Variants in APOBEC3D observed in about 807,000 individuals in gnomAD.
The protein encoded by APOBEC3D is DNA dC->dU-editing enzyme APOBEC-3D.
APOBEC3D carries 37 observed loss-of-function variants against 45.6 expected under a neutral mutation model. That is an observed-to-expected ratio of 0.81 (90% CI 0.62 to 1.07). APOBEC3D has a LOEUF of 1.07. APOBEC3D is among the 50% of genes least tolerant of loss of function. The pLI is 0.00. For synonymous variants in APOBEC3D, 175 were observed against 180.7 expected, an observed-to-expected ratio of 0.97 and a Z score of 0.25; for missense variants, 496 against 495.3, an observed-to-expected ratio of 1.00 and a Z score of -0.01.
Position 39,021,446 on chromosome 22 carries a change from C to A in APOBEC3D, c.-74C>A. 1.2e-6 allele frequency: 2 copies of A among 1,610,180 alleles called. No individual in the cohort carries two copies. Among genetic ancestry groups the A allele is most frequent in the Non-Finnish European group, 1.7e-6 (2 of 1,176,932 alleles). On this transcript the variant is annotated 5_prime_UTR_variant, in exon 1 of 7. Transcript: ENST00000216099. ...GGAGGGCTGTCCAACTGCAAGGAGC[C>A]GCAAGCAGGAAGTGAAACCACAGCA...
At chr22:39,031,141 G>A (rs1926176395) in intron 5 of APOBEC3D, among the ~76,000 whole-genome samples, 1 of 152,068 alleles carries the variant, frequency 6.6e-6, no homozygotes, top group Admixed American at 6.6e-5. Context: ...ACTCCCGCCT[G>A]TGCAACAGAG....
rs1166481792 is a variant in APOBEC3D, at chr22:39,030,650, T to C, written c.763-1044T>C. On this transcript the variant is annotated intron_variant, in intron 5 of 6. Transcript: ENST00000216099. Reference sequence around the variant, plus strand: ...TCAGAGCCCCATTTCAAGTGCTCAGTAGCCCCTTTGGCCAACCTTCAACTC... The same window carrying C: ...TCAGAGCCCCATTTCAAGTGCTCAGCAGCCCCTTTGGCCAACCTTCAACTC... 4.6e-5 allele frequency among the ~76,000 whole-genome samples: 7 copies of C among 152,022 alleles called. No individual in the cohort carries two copies. The East Asian group carries it at 1.4e-3, about 29-fold the overall frequency.
chr22:39,026,756 TG>T (rs199618614), intron 4 of APOBEC3D, among the ~76,000 whole-genome samples: 1,413 of 138,888 alleles, frequency 0.01, 23 homozygotes, highest in African/African-American at 0.043. Context: ...AAGGTTTTTT[TG>T]TTTTTTTTTT....
chr22:39,032,072 C>A lies in APOBEC3D; in HGVS notation c.1042+99C>A, dbSNP rs1271902044. On this transcript the variant is annotated intron_variant, in intron 6 of 6. Coordinates refer to ENST00000216099, the MANE Select transcript of APOBEC3D (RefSeq NM_152426.4). ...GGGGCGGGGCAGTGTCCCCGGGAAG[C>A]CTGCAGGGATGGGGCCGGCGCCAGC... 34 of 1,586,998 alleles carry A rather than the reference C, an allele frequency of 2.1e-5. No individual in the cohort carries two copies. In the Middle Eastern group the frequency reaches 5.1e-4, roughly 24 times the overall value.
chr22:39,031,125 C>T (rs1926174326), intron 5 of APOBEC3D, among the ~76,000 whole-genome samples: 3 of 151,872 alleles, frequency 2.0e-5, no homozygotes, highest in African/African-American at 4.8e-5. Flanking sequence ...GAGATCGTGC[C>T]GTTGCACTCC....
rs770157282 is a variant in APOBEC3D, at chr22:39,031,988, G to A, written c.1042+15G>A. On this transcript the variant is annotated intron_variant, in intron 6 of 6. Coordinates refer to ENST00000216099, the MANE Select transcript of APOBEC3D (RefSeq NM_152426.4). ...GGGCTACAAAGGTGAGACGTGGGGG[G>A]CTGAGGAGAGTGGGTGCGGGAGGGA... The A allele has an allele frequency of 1.9e-6, 3 of 1,613,864 alleles. No homozygotes were observed. The highest frequency in any genetic ancestry group is 2.5e-6 in the Non-Finnish European group (3 of 1,179,778).
At position 39,031,701 on chromosome 22, in the gene APOBEC3D, C is replaced by A; in HGVS notation, c.770C>A (p.Pro257His). 2 of 1,611,800 alleles carry A rather than the reference C, an allele frequency of 1.2e-6. No individual in the cohort carries two copies. Among genetic ancestry groups the A allele is most frequent in the Non-Finnish European group, 1.7e-6 (2 of 1,178,020 alleles). The change falls in exon 6 of 7, where the codon CCT becomes CAT. Residue 257 changes from proline to histidine, a missense_variant. By Grantham distance (77) the Pro-to-His change is moderately conservative. Coordinates refer to ENST00000216099, the MANE Select transcript of APOBEC3D (RefSeq NM_152426.4). ...KRGVFRNQVD[P>H]ETHCHAERCF... ...CTCCTCCTCCTTCCCCAGGTGGATCCTGAGACCCATTGTCATGCAGAAAGG... is the reference window on the plus strand; with the variant it reads ...CTCCTCCTCCTTCCCCAGGTGGATCATGAGACCCATTGTCATGCAGAAAGG...
At chr22:39,023,579 A>T (rs1241413605) in intron 2 of APOBEC3D, among the ~76,000 whole-genome samples, 1 of 150,880 alleles carries the variant, frequency 6.6e-6, no homozygotes, top group Non-Finnish European at 1.5e-5. Context: ...CCTGAATAGC[A>T]GGGATTACAG....
chr22:39,028,661 C>T (rs1925913108), intron 4 of APOBEC3D, among the ~76,000 whole-genome samples: 1 of 152,102 alleles, frequency 6.6e-6, no homozygotes, highest in Admixed American at 6.5e-5. Context: ...TAGGGCCAGG[C>T]GCGGTGGCTC....
In APOBEC3D at chr22:39,032,193, C is replaced by G; in HGVS notation, c.1043-5C>G. The G allele has an allele frequency of 6.2e-7, 1 of 1,612,748 alleles. No homozygotes were observed. Among genetic ancestry groups the G allele is most frequent in the Non-Finnish European group, 8.5e-7 (1 of 1,179,438 alleles). On this transcript the variant is annotated splice_region_variant and splice_polypyrimidine_tract_variant and intron_variant, in intron 6 of 6. Coordinates refer to ENST00000216099, the MANE Select transcript of APOBEC3D (RefSeq NM_152426.4). ...CTCACTGCTTTCTCCTTGTTTTTTT[C>G]TCAGATTTTGTATCTTGTTGGAAAA...
chr22:39,031,980 C>T lies in APOBEC3D; in HGVS notation c.1042+7C>T, dbSNP rs747230251. ...AAGATCATGGGCTACAAAGGTGAGA[C>T]GTGGGGGGCTGAGGAGAGTGGGTGC... On this transcript the variant is annotated splice_region_variant and intron_variant, in intron 6 of 6. Transcript: ENST00000216099. 6.4e-5 allele frequency: 104 copies of T among 1,613,826 alleles called. No homozygotes were observed. The highest frequency in any genetic ancestry group is 8.6e-5 in the Non-Finnish European group (102 of 1,179,936).
rs1356874183 is a variant in APOBEC3D at position 39,025,351 on chromosome 22, T to C, written c.490+2T>C. ...GTGTGAAGATCATGGACTATGAAGG[T>C]GAGAGGTGCAGGGGTCAGGGGAGCA... On this transcript the variant is annotated splice_donor_variant, in intron 3 of 6. Coordinates refer to ENST00000216099, the MANE Select transcript of APOBEC3D (RefSeq NM_152426.4). LOFTEE classifies it high-confidence loss of function. The C allele has an allele frequency of 1.2e-6, 2 of 1,613,532 alleles. No homozygotes were observed. Among genetic ancestry groups the C allele is most frequent in the South Asian group, 1.1e-5 (1 of 91,048 alleles).
At position 39,022,827 on chromosome 22, in the gene APOBEC3D, C is replaced by T. The variant is rs201133453; in HGVS notation, c.23C>T (p.Pro8Leu). 192 of 1,602,920 alleles carry T rather than the reference C, an allele frequency of 1.2e-4. 1 individual carries two copies. In the South Asian group the frequency reaches 1.7e-3, roughly 14 times the overall value. MNPQIRNPMERMYRDTFY... is the reference protein window; with the variant it reads MNPQIRNLMERMYRDTFY... ...TTTCTCTCTTGTGCCTTCAGAAATC[C>T]GATGGAGCGGATGTATCGAGACACA... The change falls in exon 2 of 7, where the codon CCG (proline) becomes CTG (leucine). Residue 8 changes from proline (P) to leucine (L), a missense_variant. By Grantham distance (98) the Pro-to-Leu change is moderately conservative (BLOSUM62 -3). Transcript: ENST00000216099.
intron 6 of APOBEC3D, 63 bp from the exon 7 acceptor site, chr22:39,032,135 G>A (rs1926286381): frequency 6.3e-7 from 1 of 1,593,026 alleles, no homozygotes; most frequent in Non-Finnish European, 8.6e-7. Context: ...TGGGAGGGGA[G>A]GGCCCAGGGC....
chr22:39,028,795 C>T (rs1199144345), intron 4 of APOBEC3D, among the ~76,000 whole-genome samples: 6 of 151,968 alleles, frequency 3.9e-5, no homozygotes, highest in Non-Finnish European at 8.8e-5. Context: ...ATTAGACGGG[C>T]GTGGTGGCAT....
At chr22:39,030,084 G>A (rs1382999774) in intron 5 of APOBEC3D, among the ~76,000 whole-genome samples, 1 of 150,764 alleles carries the variant, frequency 6.6e-6, no homozygotes, top group Non-Finnish European at 1.5e-5. Context: ...GCAGTCCTCG[G>A]GAAACAGCAG....
At chr22:39,030,135 G>A (rs1453459609) in intron 5 of APOBEC3D, among the ~76,000 whole-genome samples, 3 of 150,262 alleles carry the variant, frequency 2.0e-5, no homozygotes. Context: ...ACTGTGCCTG[G>A]GCCAGTCACT....
rs1383236488 is a variant in APOBEC3D, at chr22:39,025,279, T to G, written c.420T>G (p.Asp140Glu). Residue 140 changes from aspartate to glutamate, a missense_variant, in exon 3 of 7, where the codon GAT (aspartate) becomes GAG (glutamate). Physicochemically the swap from Asp to Glu is conservative, Grantham distance 45. Coordinates refer to ENST00000216099, the MANE Select transcript of APOBEC3D (RefSeq NM_152426.4). The stretch of plus-strand genomic sequence containing the variant: ...CCGCCCGCCTCTACTACTACCGGGA[T>G]AGAGATTGGCGGTGGGTGCTCCTCA... ...ISAARLYYYRDRDWRWVLLRL... is the reference protein window; with the variant it reads ...ISAARLYYYRERDWRWVLLRL... 3 of 1,614,066 alleles carry G rather than the reference T, an allele frequency of 1.9e-6. No homozygotes were observed. The South Asian group carries it at 3.3e-5, about 18-fold the overall frequency.
intron 5 of APOBEC3D, among the ~76,000 whole-genome samples, chr22:39,031,411 T>C (rs1926200762): frequency 6.6e-6 from 1 of 151,802 alleles, no homozygotes; most frequent in East Asian, 1.9e-4. Context: ...CCACAAAAAT[T>C]ACAAAAAAAT....
Sources: gnomAD v4.1 joint callset for allele counts (sites outside exome capture counted in the v4.1 genomes callset) on GRCh38, gnomAD v4.1.1 for gene constraint, MANE v1.5 for transcripts, NCBI Gene and HGNC (gene_info 2026-07-23, HGNC 2026-07-21) for gene names.